Variants in SON observed in about 807,000 individuals in gnomAD.
The protein encoded by SON is protein SON.
A neutral mutation model predicts 173.3 loss-of-function variants in SON; 4 were observed. That is an observed-to-expected ratio of 0.02 (90% CI 0.01 to 0.05). The LOEUF is 0.05. SON is among the 10% of genes least tolerant of loss of function. The pLI is 1.00. For synonymous variants in SON, 1,190 were observed against 1,105.9 expected (o/e 1.08, Z -1.51); for missense variants, 2,626 against 3,055.3 (o/e 0.86, Z 3.31).
intron 6 of SON, chr21:33,560,761 C>A: frequency 3.2e-6 from 1 of 310,420 alleles, no homozygotes; most frequent in Non-Finnish European, 4.7e-6. Flanking sequence ...TTGTCATCGC[C>A]TCTTGCCCTT....
chr21:33,557,672 A>C (rs2085994284), intron 4 of SON: 5 of 1,508,214 alleles, frequency 3.3e-6, no homozygotes, highest in Non-Finnish European at 4.4e-6. Flanking sequence ...GATCGCCACG[A>C]GTATACTGCA....
At chr21:33,566,752 G>A (rs1465600297) in intron 6 of SON, among the ~76,000 whole-genome samples, 1 of 152,090 alleles carries the variant, frequency 6.6e-6, no homozygotes, top group Admixed American at 6.6e-5. Context: ...TTATGCTAAT[G>A]AGTAAAATGA....
rs767800617 is a variant in SON, at chr21:33,554,089, CTCAGTT to C, written c.4860_4865del (p.Ser1621_Leu1622del). Reference sequence around the variant, plus strand: ...TATTGAATTTACCACAGCATCTACTCTCAGTTTAGTTAATAAATATGATGTTGATTT... The same window carrying C: ...TATTGAATTTACCACAGCATCTACTCTAGTTAATAAATATGATGTTGATTT... On this transcript the variant is annotated inframe_deletion, in exon 3 of 12. Transcript: ENST00000356577. 7 of 1,613,932 alleles carry C rather than the reference CTCAGTT, an allele frequency of 4.3e-6. No individual in the cohort carries two copies. The highest frequency in any genetic ancestry group is 5.9e-6 in the Non-Finnish European group (7 of 1,179,966).
Position 33,550,773 on chromosome 21 carries a change from G to A in SON, c.1542G>A (p.Glu514=). 6.2e-7 allele frequency: 1 copy of A among 1,614,230 alleles called. No homozygotes were observed. The highest frequency in any genetic ancestry group is 8.5e-7 in the Non-Finnish European group (1 of 1,180,038). Residue 514 remains glutamate (E), a synonymous_variant, in exon 3 of 12, where the codon GAG becomes GAA. Transcript: ENST00000356577. ...AACCTGTGACGACGACAGAGTTGGA[G>A]CAGCCTGTGGGGATGACAACGGTGG... ...TEQPVTTTEL[E]QPVGMTTVEH...
In SON at chr21:33,559,562, A is replaced by C; in HGVS notation, c.6469-25A>C. The C allele has an allele frequency of 6.3e-7, 1 of 1,590,826 alleles. No individual in the cohort carries two copies. Among genetic ancestry groups the C allele is most frequent in the Admixed American group, 1.8e-5 (1 of 54,878 alleles). ...TAATGTAGATATCATATTGAGCTTT[A>C]ATTAAGAAACACTTTATTTTTTAGA... On this transcript the variant is annotated intron_variant, in intron 5 of 11. Transcript: ENST00000356577. The surrounding 1 kb of genome is among the most constrained non-coding windows in gnomAD (Gnocchi z 4.1).
intron 2 of SON, among the ~76,000 whole-genome samples, chr21:33,549,101 C>T (rs2145812162): frequency 6.9e-6 from 1 of 145,428 alleles, no homozygotes; most frequent in East Asian, 2.0e-4. Flanking sequence ...TTTTTTGAGA[C>T]AGAGTCTTGC....
chr21:33,560,581 A>AAT lies in SON; in HGVS notation c.6657+819_6657+820dup, dbSNP rs147980607. ...AACAGCAAGACTGTATATATATGTA[A>AAT]ATATATATATATATCTGTATCTTTG... is the stretch of plus-strand genomic sequence containing the variant. On this transcript the variant is annotated intron_variant, in intron 6 of 11. Transcript: ENST00000356577. The AAT allele has an allele frequency of 1.9e-3, 1,565 of 827,758 alleles. 3 individuals are homozygous for AAT. Among genetic ancestry groups the AAT allele is most frequent in the African/African-American group, 7.8e-3 (421 of 54,076 alleles). 51.3% of individuals were successfully genotyped at this position (827,758 alleles called of 1,614,324 possible).
At chr21:33,560,348 ATTC>A in intron 6 of SON, 12 of 1,289,362 alleles carry the variant, frequency 9.3e-6, no homozygotes, top group Non-Finnish European at 1.2e-5. Context: ...GCCCTTTTAA[ATTC>A]TTGTGTTTAA....
intron 9 of SON, among the ~76,000 whole-genome samples, chr21:33,574,712 C>T (rs866815217): frequency 2.0e-5 from 3 of 152,330 alleles, no homozygotes; most frequent in Middle Eastern, 3.4e-3. Context: ...CGACACACTT[C>T]TGGTCCCAAG....
At chr21:33,544,928 G>A (rs766345798) in intron 1 of SON, among the ~76,000 whole-genome samples, 4 of 152,184 alleles carry the variant, frequency 2.6e-5, no homozygotes, top group Non-Finnish European at 5.9e-5. Context: ...TATTACTAGA[G>A]GAATATGCAG....
chr21:33,568,588 C>T (rs922564129), intron 7 of SON, among the ~76,000 whole-genome samples: 3 of 152,132 alleles, frequency 2.0e-5, no homozygotes, highest in African/African-American at 4.8e-5. Flanking sequence ...GTATAAATGT[C>T]TCAAAGGAAG....
Position 33,551,006 on chromosome 21 carries a change from G to T in SON, c.1775G>T (p.Gly592Val). ...LELSGQPVAT[G>V]ALELPGPLMA... Reference sequence around the variant, plus strand: ...TTGTCGGGGCAGCCTGTGGCAACTGGGGCACTAGAGTTGCCTGGGCCGCTC... The same window carrying T: ...TTGTCGGGGCAGCCTGTGGCAACTGTGGCACTAGAGTTGCCTGGGCCGCTC... Residue 592 changes from glycine to valine, a missense_variant, in exon 3 of 12, where the codon GGG becomes GTG. Physicochemically the swap from Gly to Val is moderately radical, Grantham distance 109. Around this residue, in one of 13 missense-constraint regions of SON, gnomAD observed 757 missense variants for 730.1 expected, o/e 1.04. Coordinates refer to ENST00000356577, the MANE Select transcript of SON (RefSeq NM_138927.4). 1 of 1,606,562 alleles carries T rather than the reference G, an allele frequency of 6.2e-7. No homozygotes were observed. The highest frequency in any genetic ancestry group is 8.5e-7 in the Non-Finnish European group (1 of 1,175,560).
rs1023811547 is a variant in SON, at chr21:33,557,490, C to T, written c.6321+174C>T. ...AAGCTCTGTTTAGCAGGCCATTATC[C>T]GGGATGGCTAAGCTCCGCTAGCTAA... is the stretch of plus-strand genomic sequence containing the variant. On this transcript the variant is annotated intron_variant, in intron 4 of 11. Transcript: ENST00000356577. 2.6e-5 allele frequency: 41 copies of T among 1,550,858 alleles called. No homozygotes were observed. The Middle Eastern group carries it at 5.0e-4, about 19-fold the overall frequency.
In SON at chr21:33,550,247, T is replaced by C; in HGVS notation, c.1016T>C (p.Leu339Ser). ...TCATCTGCAATTGAAGCGCTAAGATTGCCAGAGCAGCCTGTAGACGTACCA... is the reference window on the plus strand; with the variant it reads ...TCATCTGCAATTGAAGCGCTAAGATCGCCAGAGCAGCCTGTAGACGTACCA... The part of the protein sequence containing the change: ...PESSAIEALR[L>S]PEQPVDVPSE... Residue 339 changes from leucine to serine, a missense_variant, in exon 3 of 12, where the codon TTG becomes TCG. Leu to Ser is a moderately radical substitution (Grantham distance 145). Coordinates refer to ENST00000356577, the MANE Select transcript of SON (RefSeq NM_138927.4). 1.2e-6 allele frequency: 2 copies of C among 1,614,232 alleles called. No individual in the cohort carries two copies. Among genetic ancestry groups the C allele is most frequent in the Non-Finnish European group, 8.5e-7 (1 of 1,180,036 alleles).
chr21:33,559,748 T>C lies in SON; in HGVS notation c.6630T>C (p.Asn2210=), dbSNP rs148147632. Residue 2210 remains asparagine, a synonymous_variant, in exon 6 of 12, where the codon AAT becomes AAC. Transcript: ENST00000356577. The surrounding 1 kb of genome is among the most constrained non-coding windows in gnomAD (Gnocchi z 4.1). ...KNGEENKDDD[N]VFSSNLPSEP... ...GTGAAGAAAACAAAGATGATGATAA[T>C]GTTTTCAGCAGCAATTTGCCCTCAG... 3 of 1,613,874 alleles carry C rather than the reference T, an allele frequency of 1.9e-6. No homozygotes were observed. The highest frequency in any genetic ancestry group is 2.7e-5 in the African/African-American group (2 of 74,926).
At chr21:33,564,855 C>A (rs1372043005) in intron 6 of SON, among the ~76,000 whole-genome samples, 2 of 122,170 alleles carry the variant, frequency 1.6e-5, no homozygotes, top group African/African-American at 3.4e-5. Context: ...GGGCGAAACT[C>A]CATCTCAAAA....
At chr21:33,556,064 C>G (rs529531992) in intron 3 of SON, among the ~76,000 whole-genome samples, 2 of 152,122 alleles carry the variant, frequency 1.3e-5, no homozygotes, top group Non-Finnish European at 2.9e-5. Flanking sequence ...TGAATGATTA[C>G]CTATAATAAA....
chr21:33,554,609 T>C lies in SON; in HGVS notation c.5378T>C (p.Phe1793Ser), dbSNP rs2145837771. ...SSEEKDDYEI[F>S]VKVKDTHEKS... ...GAGGAAAAAGATGATTATGAAATTT[T>C]TGTAAAAGTTAAGGACACTCACGAA... is the stretch of plus-strand genomic sequence containing the variant. The change falls in exon 3 of 12, where the codon TTT becomes TCT. Residue 1793 changes from phenylalanine (F) to serine (S), a missense_variant. Transcript: ENST00000356577. The C allele has an allele frequency of 1.2e-6, 2 of 1,613,914 alleles. No homozygotes were observed. The highest frequency in any genetic ancestry group is 1.7e-6 in the Non-Finnish European group (2 of 1,180,016).
At chr21:33,547,775 G>A (rs2085657315) in intron 2 of SON, among the ~76,000 whole-genome samples, 2 of 146,814 alleles carry the variant, frequency 1.4e-5, no homozygotes, top group South Asian at 2.2e-4. Flanking sequence ...AGTGCAGTGG[G>A]GTGATCTCAG....
Sources: allele counts gnomAD v4.1 joint callset (sites outside exome capture counted in the v4.1 genomes callset), GRCh38; gene constraint gnomAD v4.1.1; regional missense constraint gnomAD v4.1.1; non-coding constraint Gnocchi (gnomAD v3.1); transcripts MANE v1.5; gene names NCBI Gene and HGNC (gene_info 2026-07-23, HGNC 2026-07-21).